Variants in EPHB2 observed in about 807,000 individuals in gnomAD.
EPHB2 encodes EPH receptor B2, also known as ephrin type-B receptor 2.
Under a neutral mutation model 96.4 loss-of-function variants are expected in EPHB2, and 18 were observed. The ratio of observed to expected loss-of-function variants is 0.19; its 90% confidence interval spans 0.13 to 0.28. The LOEUF (loss-of-function observed/expected upper bound fraction) is 0.28, where lower values mean the gene tolerates loss of function less well. Ranked by LOEUF, EPHB2 falls within the 10% of genes least tolerant of loss-of-function variation. EPHB2 has a pLI of 1.00. For missense variants in EPHB2, 989 were observed against 1,355.4 expected, an observed-to-expected ratio of 0.73 and a Z score of 4.25; for synonymous variants, 506 against 534.1, an observed-to-expected ratio of 0.95 and a Z score of 0.72.
chr1:22,734,752 T>C (rs933825578), intron 1 of EPHB2, among the ~76,000 whole-genome samples: 3 of 152,180 alleles, frequency 2.0e-5, no homozygotes, highest in African/African-American at 7.2e-5. Context: ...CTGTGGTTCT[T>C]AATTTCTTTG....
At chr1:22,821,739 CAG>C (rs1382677844) in intron 3 of EPHB2, among the ~76,000 whole-genome samples, 1 of 152,182 alleles carries the variant, frequency 6.6e-6, no homozygotes, top group African/African-American at 2.4e-5. Context: ...GATTGAGTAA[CAG>C]AGGATCTGAT....
At position 22,784,086 on chromosome 1, in the gene EPHB2, G is replaced by A. The variant is rs1029179356; in HGVS notation, c.127-306G>A. ...AGAAGGAGCTCCCTAAGTGGGGAAG[G>A]GTTCTCCCTATTTTCCCCTTCCAGG... On this transcript the variant is annotated intron_variant, in intron 2 of 15. Coordinates refer to ENST00000374630, the MANE Select transcript of EPHB2 (RefSeq NM_017449.5). The surrounding 1 kb of genome is among the most constrained non-coding windows in gnomAD (Gnocchi z 5.1). Among the ~76,000 whole-genome samples, 4 of 152,230 alleles carry A rather than the reference G, an allele frequency of 2.6e-5. No individual in the cohort carries two copies. The highest frequency in any genetic ancestry group is 9.6e-5 in the African/African-American group (4 of 41,540).
rs150666302 is a variant in EPHB2, at chr1:22,871,075, C to T, written c.1303+5863C>T. On this transcript the variant is annotated intron_variant, in intron 5 of 15. Coordinates refer to ENST00000374630, the MANE Select transcript of EPHB2 (RefSeq NM_017449.5). ...ACTGTGTGCCAGGCACCGTGCTAAG[C>T]CCTTAACACTGAATCCTCACAACGA... Among the ~76,000 whole-genome samples, 937 of 152,274 alleles carry T rather than the reference C, an allele frequency of 6.2e-3. 4 individuals carry two copies. Among genetic ancestry groups the T allele is most frequent in the African/African-American group, 0.02 (852 of 41,562 alleles).
At chr1:22,835,354 T>G (rs889007340) in intron 3 of EPHB2, among the ~76,000 whole-genome samples, 1 of 152,098 alleles carries the variant, frequency 6.6e-6, no homozygotes, top group African/African-American at 2.4e-5. Context: ...CCCTCCAGCC[T>G]GGGTGACAGA....
At chr1:22,747,202 C>T (rs1169188591) in intron 1 of EPHB2, among the ~76,000 whole-genome samples, 5 of 152,230 alleles carry the variant, frequency 3.3e-5, no homozygotes, top group African/African-American at 7.2e-5. Context: ...CCAAGCAAGG[C>T]GGGCTCACGT....
At position 22,918,087 on chromosome 1, in the gene EPHB2, G is replaced by A. The variant is rs896023703; in HGVS notation, c.*4517G>A. ...AGGAGGGTAGCATAGTGAGCATCAG[G>A]TTCTAGGAAGAAGCACCAGTTCAGC... On this transcript the variant is annotated 3_prime_UTR_variant, in exon 16 of 16. Coordinates refer to ENST00000374630, the MANE Select transcript of EPHB2 (RefSeq NM_017449.5). The surrounding 1 kb of genome is among the most constrained non-coding windows in gnomAD (Gnocchi z 4.2). The A allele has an allele frequency of 6.6e-6, 1 of 152,234 alleles. No homozygotes were observed. Among genetic ancestry groups the A allele is most frequent in the East Asian group, 1.9e-4 (1 of 5,188 alleles). The allele number at this position is 152,234 out of a possible 1,614,324, so 9.4% of individuals were successfully genotyped here. A position where few individuals can be genotyped will look rare whatever the true frequency, so the allele number is the denominator to read the frequency against.
At chr1:22,895,824 T>C (rs551140304) in intron 8 of EPHB2, among the ~76,000 whole-genome samples, 2 of 152,312 alleles carry the variant, frequency 1.3e-5, no homozygotes, top group African/African-American at 4.8e-5. Context: ...AGGTGGCACA[T>C]TGAGACACTA....
rs574835979 is a variant in EPHB2, at chr1:22,839,857, C to T, written c.812-23180C>T. ...TTGAGCTGAAGCCCAGTGAACTAGA[C>T]GGTCAAGCCCCTACTGAACTCACCT... On this transcript the variant is annotated intron_variant, in intron 3 of 15. Transcript: ENST00000374630. Among the ~76,000 whole-genome samples the T allele has an allele frequency of 5.3e-5, 8 of 152,234 alleles. No homozygotes were observed. The East Asian group carries it at 1.2e-3, about 22-fold the overall frequency.
chr1:22,906,676 T>C lies in EPHB2; in HGVS notation c.1889-34T>C. 1 of 1,613,786 alleles carries C rather than the reference T, an allele frequency of 6.2e-7. No individual in the cohort carries two copies. Among genetic ancestry groups the C allele is most frequent in the Non-Finnish European group, 8.5e-7 (1 of 1,179,968 alleles). On this transcript the variant is annotated intron_variant, in intron 10 of 15. Coordinates refer to ENST00000374630, the MANE Select transcript of EPHB2 (RefSeq NM_017449.5). This position sits in a 1 kb window ranked among gnomAD's most constrained non-coding sequence, Gnocchi z 4.8. ...GAAGGTGGCCCTTCCACCTGGCAAG[T>C]GACATCCTGTCTGTCTTGGTGTTTC...
chr1:22,841,383 G>A (rs1255062266), intron 3 of EPHB2, among the ~76,000 whole-genome samples: 1 of 152,128 alleles, frequency 6.6e-6, no homozygotes, highest in Non-Finnish European at 1.5e-5. Context: ...TTAAGTCCTT[G>A]TAGGGCAGGA....
intron 3 of EPHB2, among the ~76,000 whole-genome samples, chr1:22,862,775 A>C (rs913302693): frequency 6.6e-6 from 1 of 152,150 alleles, no homozygotes; most frequent in African/African-American, 2.4e-5. Context: ...AGACCATGAC[A>C]CAGCCAAGCT....
chr1:22,865,613 T>A (rs1638446883), intron 5 of EPHB2, among the ~76,000 whole-genome samples: 2 of 152,126 alleles, frequency 1.3e-5, no homozygotes, highest in South Asian at 4.1e-4. Flanking sequence ...CCCTGCTCCT[T>A]GTCTGTATGA....
chr1:22,854,645 TC>T lies in EPHB2; in HGVS notation c.812-8389del, dbSNP rs1289658778. On this transcript the variant is annotated intron_variant, in intron 3 of 15. Transcript: ENST00000374630. Reference sequence around the variant, plus strand: ...TCATCTCTAAAATGGGAATAACACCTCCCATTGCACAGGGTGGTCCAAGGAG... The same window carrying T: ...TCATCTCTAAAATGGGAATAACACCTCCATTGCACAGGGTGGTCCAAGGAG... 1.5e-3 allele frequency among the ~76,000 whole-genome samples: 229 copies of T among 152,312 alleles called. 1 individual carries two copies. The highest frequency in any genetic ancestry group is 5.2e-3 in the African/African-American group (215 of 41,580).
At chr1:22,810,304 T>A (rs375431087) in intron 3 of EPHB2, among the ~76,000 whole-genome samples, 1 of 151,782 alleles carries the variant, frequency 6.6e-6, no homozygotes, top group South Asian at 2.1e-4. Context: ...CGGCCAGGGG[T>A]CCCCCAGCCC....
At chr1:22,888,167 A>G (rs1316358507) in intron 6 of EPHB2, among the ~76,000 whole-genome samples, 3 of 152,088 alleles carry the variant, frequency 2.0e-5, no homozygotes, top group Admixed American at 2.0e-4. Context: ...TCAGTCTCCC[A>G]AGTAGCTGGG....
intron 1 of EPHB2, among the ~76,000 whole-genome samples, chr1:22,741,418 C>G (rs902590305): frequency 6.6e-6 from 1 of 152,136 alleles, no homozygotes; most frequent in African/African-American, 2.4e-5. Flanking sequence ...GCCCCCTAGT[C>G]TCCCTCTTAT....
chr1:22,913,461 G>C lies in EPHB2; in HGVS notation c.2853-1G>C. 1 of 1,614,176 alleles carries C rather than the reference G, an allele frequency of 6.2e-7. No individual in the cohort carries two copies. Among genetic ancestry groups the C allele is most frequent in the Non-Finnish European group, 8.5e-7 (1 of 1,180,034 alleles). ...CTAACACACGTGCTTCTCTCCCAAA[G>C]GGACATTCTCCGGGTTGGGGTCACT... On this transcript the variant is annotated splice_acceptor_variant, in intron 15 of 15. Coordinates refer to ENST00000374630, the MANE Select transcript of EPHB2 (RefSeq NM_017449.5). LOFTEE classifies it high-confidence loss of function. The surrounding 1 kb of genome is among the most constrained non-coding windows in gnomAD (Gnocchi z 4.1).
At chr1:22,874,007 A>G (rs2148539367) in intron 5 of EPHB2, among the ~76,000 whole-genome samples, 1 of 152,350 alleles carries the variant, frequency 6.6e-6, no homozygotes, top group East Asian at 1.9e-4. Context: ...TAAGGAACCC[A>G]GGCTCAGAGA....
intron 15 of EPHB2, chr1:22,912,845 A>T (rs1640152850): frequency 1.9e-6 from 1 of 536,552 alleles, no homozygotes; most frequent in East Asian, 3.6e-5. Flanking sequence ...CTCACCTACA[A>T]ACTGGGGGTT....
Sources: allele counts gnomAD v4.1 joint callset (sites outside exome capture counted in the v4.1 genomes callset), GRCh38; gene constraint gnomAD v4.1.1; non-coding constraint Gnocchi (gnomAD v3.1); transcripts MANE v1.5; gene names NCBI Gene and HGNC (gene_info 2026-07-23, HGNC 2026-07-21).